ZNF254: variants seen among roughly 807,000 people sequenced by gnomAD.
ZNF254 encodes CTD-2017D11.1.
A neutral mutation model predicts 12.4 loss-of-function variants in ZNF254; 10 were observed. That is an observed-to-expected ratio of 0.80 (90% CI 0.50 to 1.36). The LOEUF (loss-of-function observed/expected upper bound fraction) is 1.36, where lower values mean the gene tolerates loss of function less well. Ranked by LOEUF, ZNF254 falls within the 40% of genes most tolerant of loss-of-function variation. The pLI, the probability that ZNF254 is intolerant of heterozygous loss-of-function variation, is 0.00. For missense variants in ZNF254, 996 were observed against 763.9 expected (o/e 1.30, Z -3.58); for synonymous variants, 305 against 253.4 (o/e 1.20, Z -1.93).
intron 1 of ZNF254, among the ~76,000 whole-genome samples, chr19:24,100,366 C>CT (rs998125728): frequency 5.7e-5 from 8 of 140,556 alleles, no homozygotes; most frequent in Middle Eastern, 3.9e-3. Flanking sequence ...GCTCTGAATT[C>CT]TAAATCTAGG....
intron 2 of ZNF254, among the ~76,000 whole-genome samples, chr19:24,048,298 A>G (rs1285363596): frequency 6.6e-6 from 1 of 152,086 alleles, no homozygotes; most frequent in African/African-American, 2.4e-5. Flanking sequence ...CTTGGGGGGA[A>G]TAAGTTTCCA....
upstream of ZNF254, among the ~76,000 whole-genome samples, chr19:24,085,765 C>T (rs1972015711): frequency 1.3e-5 from 2 of 149,676 alleles, no homozygotes; most frequent in African/African-American, 4.9e-5. Flanking sequence ...GAGCAAGCCT[C>T]TCCTGGAAAT....
chr19:24,048,302 G>A (rs1343360342), intron 2 of ZNF254, among the ~76,000 whole-genome samples: 1 of 152,142 alleles, frequency 6.6e-6, no homozygotes, highest in Non-Finnish European at 1.5e-5. Context: ...GGGGGAATAA[G>A]TTTCCAACGG....
intron 2 of ZNF254, among the ~76,000 whole-genome samples, chr19:24,053,972 G>A (rs972212850): frequency 5.9e-5 from 9 of 152,110 alleles, no homozygotes; most frequent in African/African-American, 1.9e-4. Context: ...TCTGCCCACA[G>A]GGACCTTGTG....
Position 24,128,990 on chromosome 19 carries a change from G to A in ZNF254, c.*1010G>A, listed in dbSNP as rs1177556193. ...CTGGTGTATTCATATGTGAAAGCAT[G>A]TGACTAATTGTTGCTGCATAAAAGA... On this transcript the variant is annotated 3_prime_UTR_variant, in exon 4 of 4. Coordinates refer to ENST00000357002, the MANE Select transcript of ZNF254 (RefSeq NM_203282.4). 3 of 147,966 alleles carry A rather than the reference G, an allele frequency of 2.0e-5. No homozygotes were observed. The highest frequency in any genetic ancestry group is 2.1e-4 in the South Asian group (1 of 4,760). 9.2% of individuals were successfully genotyped at this position (147,966 alleles called of 1,614,324 possible).
At chr19:24,033,792 G>T (rs1465332565) in intron 1 of ZNF254, among the ~76,000 whole-genome samples, 1 of 152,168 alleles carries the variant, frequency 6.6e-6, no homozygotes, top group Non-Finnish European at 1.5e-5. Context: ...GGATCCCCGC[G>T]TTCAGCCCCG....
At chr19:24,106,908 C>T (rs888445136) in intron 3 of ZNF254, 1 of 406,594 alleles carries the variant, frequency 2.5e-6, no homozygotes, top group Non-Finnish European at 4.3e-6. Flanking sequence ...AAAGAGTGTA[C>T]AATCTGACTT....
rs1974833123 is a variant in ZNF254 at position 24,126,324 on chromosome 19, A to G, written c.324A>G (p.Ile108Met). The change falls in exon 4 of 4, where the codon ATA (isoleucine) becomes ATG (methionine). Residue 108 changes from isoleucine to methionine, a missense_variant. Coordinates refer to ENST00000357002, the MANE Select transcript of ZNF254 (RefSeq NM_203282.4). The part of the protein sequence containing the change: ...QGMEDSFQKA[I>M]LRRYGKYGHE... ...TGGAAGATTCTTTTCAAAAAGCAAT[A>G]CTGAGAAGATATGGAAAATATGGAC... The G allele has an allele frequency of 6.2e-7, 1 of 1,603,186 alleles. No individual in the cohort carries two copies. The highest frequency in any genetic ancestry group is 1.3e-5 in the African/African-American group (1 of 74,520).
chr19:24,112,896 C>G (rs1599736046), intron 3 of ZNF254, among the ~76,000 whole-genome samples: 1 of 152,132 alleles, frequency 6.6e-6, no homozygotes, highest in Admixed American at 6.6e-5. Flanking sequence ...GAGAATACTA[C>G]AAACACCTCT....
Position 24,127,234 on chromosome 19 carries a change from G to A in ZNF254, c.1234G>A (p.Gly412Ser), listed in dbSNP as rs768305011. The change falls in exon 4 of 4, where the codon GGC (glycine) becomes AGC (serine). Residue 412 changes from glycine to serine, a missense_variant. By Grantham distance (56) the Gly-to-Ser change is moderately conservative. Transcript: ENST00000357002. Reference sequence around the variant, plus strand: ...GAAACTCTACAAATGTGAAGAATGCGGCAAAGGTTTTAATCGATCTTCAAA... The same window carrying A: ...GAAACTCTACAAATGTGAAGAATGCAGCAAAGGTTTTAATCGATCTTCAAA... ...GEKLYKCEEC[G>S]KGFNRSSNLT... 89 of 1,612,610 alleles carry A rather than the reference G, an allele frequency of 5.5e-5. No individual in the cohort carries two copies. Among genetic ancestry groups the A allele is most frequent in the Admixed American group, 4.9e-4 (29 of 59,760 alleles).
At chr19:24,105,618 C>A in intron 1 of ZNF254, 1 of 238,026 alleles carries the variant, frequency 4.2e-6, no homozygotes. Context: ...TCTTTTTCAT[C>A]TGAAAAATAT....
At chr19:24,115,377 G>T (rs1350966097) in intron 3 of ZNF254, among the ~76,000 whole-genome samples, 1 of 152,090 alleles carries the variant, frequency 6.6e-6, no homozygotes, top group East Asian at 1.9e-4. Flanking sequence ...CCTTTGTAGG[G>T]ACATGGATGA....
chr19:24,081,074 CTCA>C (rs1568443313), intron 2 of ZNF254, among the ~76,000 whole-genome samples: 1 of 126,384 alleles, frequency 7.9e-6, no homozygotes, highest in African/African-American at 3.8e-5. Flanking sequence ...GAGACTCCTT[CTCA>C]AAAAAAAAAA....
At chr19:24,107,590 A>G (rs1241648949) in intron 3 of ZNF254, among the ~76,000 whole-genome samples, 1 of 152,090 alleles carries the variant, frequency 6.6e-6, no homozygotes, top group Non-Finnish European at 1.5e-5. Flanking sequence ...TACTCTCTCT[A>G]TATACATATA....
Position 24,127,512 on chromosome 19 carries a change from C to G in ZNF254, c.1512C>G (p.Thr504=). 1.2e-6 allele frequency: 2 copies of G among 1,610,104 alleles called. No individual in the cohort carries two copies. The highest frequency in any genetic ancestry group is 1.7e-6 in the Non-Finnish European group (2 of 1,178,858). ...GCAAATCTTTTAGCCAATCCTCAAC[C>G]CTTACTACACATAAGATAATTCATA... ...ECGKSFSQSS[T]LTTHKIIHTG... is the part of the protein sequence containing the mutation. The change falls in exon 4 of 4, where the codon ACC becomes ACG. Residue 504 remains threonine, a synonymous_variant. Coordinates refer to ENST00000357002, the MANE Select transcript of ZNF254 (RefSeq NM_203282.4).
At position 24,127,770 on chromosome 19, in the gene ZNF254, T is replaced by G; in HGVS notation, c.1770T>G (p.Thr590=). The change falls in exon 4 of 4, where the codon ACT becomes ACG. Residue 590 remains threonine, a synonymous_variant. Transcript: ENST00000357002. The stretch of plus-strand genomic sequence containing the variant: ...CTTTTAACCGGTCTTCAACTTTTAC[T>G]AAACATAAGGTAATTCATACTGGAG... ...GKSFNRSSTF[T]KHKVIHTGVK... is the part of the protein sequence containing the mutation. The G allele has an allele frequency of 5.0e-6, 8 of 1,612,328 alleles. No individual in the cohort carries two copies. The highest frequency in any genetic ancestry group is 2.7e-5 in the African/African-American group (2 of 74,932).
chr19:24,124,564 G>A (rs751869754), intron 3 of ZNF254, among the ~76,000 whole-genome samples: 9 of 151,760 alleles, frequency 5.9e-5, no homozygotes, highest in Non-Finnish European at 1.5e-5. Flanking sequence ...TTAGAATTTG[G>A]TTACTTTGGA....
chr19:24,079,009 G>A (rs1971755662), intron 2 of ZNF254: 1 of 152,074 alleles, frequency 6.6e-6, no homozygotes, highest in African/African-American at 2.4e-5. Context: ...GCATGGAAAA[G>A]CAGCAAGCAG....
At position 24,049,204 on chromosome 19, in the gene ZNF254, ATATATATATATTT is replaced by A. The variant is rs1367592961; in HGVS notation, c.-94+2927_-94+2939del. Reference sequence around the variant, plus strand: ...TGGTTTTATATATATATATATATATATATATATATATTTTTTTTTTTTTTTTAATTTATTTATT... The same window carrying A: ...TGGTTTTATATATATATATATATATATTTTTTTTTTTTTAATTTATTTATT... On this transcript the variant is annotated intron_variant, in intron 2 of 4. Transcript: ENST00000613065. Among the ~76,000 whole-genome samples, 65 of 74,850 alleles carry A rather than the reference ATATATATATATTT, an allele frequency of 8.7e-4. 3 individuals carry two copies. The highest frequency in any genetic ancestry group is 2.2e-3 in the African/African-American group (28 of 12,670). The allele number at this position is 74,850 out of a possible 152,430, so 49.1% of individuals were successfully genotyped here. A position where few individuals can be genotyped will look rare whatever the true frequency, so the allele number is the denominator to read the frequency against.
Sources: gnomAD v4.1 joint callset for allele counts (sites outside exome capture counted in the v4.1 genomes callset) on GRCh38, gnomAD v4.1.1 for gene constraint, MANE v1.5 for transcripts, NCBI Gene and HGNC (gene_info 2026-07-23, HGNC 2026-07-21) for gene names.